Variants in SRGAP3 observed in about 807,000 individuals in gnomAD.
SRGAP3 encodes SLIT-ROBO Rho GTPase activating protein 3.
Under a neutral mutation model 121.1 loss-of-function variants are expected in SRGAP3, and 39 were observed. The observed-to-expected ratio is 0.32, with a 90% CI of 0.25 to 0.42. SRGAP3 has a LOEUF of 0.42. Among genes scored for constraint, SRGAP3 ranks in the 10% least tolerant of loss-of-function variants. SRGAP3 has a pLI of 1.00. For synonymous variants in SRGAP3, 601 were observed against 570.0 expected, an observed-to-expected ratio of 1.05 and a Z score of -0.77; for missense variants, 1,213 against 1,470.6, an observed-to-expected ratio of 0.82 and a Z score of 2.86.
At chr3:9,323,913 G>C (rs1955475525) in intron 3 of SRGAP3, among the ~76,000 whole-genome samples, 1 of 151,668 alleles carries the variant, frequency 6.6e-6, no homozygotes, top group Non-Finnish European at 1.5e-5. Context: ...AAAAGAGTTT[G>C]AGCAATGAAC....
intron 1 of SRGAP3, among the ~76,000 whole-genome samples, chr3:9,343,303 T>G (rs1311327803): frequency 6.6e-6 from 1 of 152,206 alleles, no homozygotes; most frequent in Non-Finnish European, 1.5e-5. Flanking sequence ...GTGTGGTATG[T>G]GTTTATAGTC....
At chr3:9,335,863 C>A (rs1955684543) in intron 1 of SRGAP3, among the ~76,000 whole-genome samples, 2 of 152,016 alleles carry the variant, frequency 1.3e-5, no homozygotes, top group African/African-American at 4.8e-5. Flanking sequence ...TCTTCGTTTT[C>A]TTATTATTAT....
chr3:9,152,491 G>T (rs893670612), intron 1 of SRGAP3, among the ~76,000 whole-genome samples: 1 of 152,224 alleles, frequency 6.6e-6, no homozygotes, highest in Non-Finnish European at 1.5e-5. Context: ...AGCCACGCAG[G>T]CCCAGCTGAC....
chr3:9,096,937 G>GTA (rs58305278), intron 3 of SRGAP3, among the ~76,000 whole-genome samples: 2,560 of 60,752 alleles, frequency 0.042, 74 homozygotes, highest in East Asian at 0.055. Flanking sequence ...ACATTATTTT[G>GTA]TATATATATA....
At chr3:9,145,316 G>A (rs1329004369) in intron 1 of SRGAP3, among the ~76,000 whole-genome samples, 4 of 152,218 alleles carry the variant, frequency 2.6e-5, no homozygotes, top group East Asian at 1.9e-4. Flanking sequence ...GGCTGTTCTC[G>A]AACTCCTGAC....
At chr3:9,065,878 G>A (rs1236579153) in intron 4 of SRGAP3, among the ~76,000 whole-genome samples, 1 of 152,034 alleles carries the variant, frequency 6.6e-6, no homozygotes, top group Non-Finnish European at 1.5e-5. Context: ...AGGGTCATAT[G>A]GTAAATATAT....
intron 1 of SRGAP3, among the ~76,000 whole-genome samples, chr3:9,347,724 C>T (rs1019859178): frequency 2.6e-5 from 4 of 152,136 alleles, no homozygotes; most frequent in Non-Finnish European, 5.9e-5. Context: ...CCCATCTAGC[C>T]CTAGGAAGTC....
intron 4 of SRGAP3, among the ~76,000 whole-genome samples, chr3:9,078,723 GC>G (rs1330162118): frequency 1.3e-5 from 2 of 152,084 alleles, no homozygotes; most frequent in African/African-American, 4.8e-5. Context: ...AGGCTGTTCT[GC>G]CCCCCAGTGA....
At position 9,094,511 on chromosome 3, in the gene SRGAP3, G is replaced by T. The variant is rs184348430; in HGVS notation, c.423+10169C>A. On this transcript the variant is annotated intron_variant, in intron 3 of 21. Coordinates refer to ENST00000383836, the MANE Select transcript of SRGAP3 (RefSeq NM_014850.4). ...TAGAAGTAAAATTGTTGGGTCAAAAGGTCCATACCCCTTCCAGCACTGTTA... is the reference window on the plus strand; with the variant it reads ...TAGAAGTAAAATTGTTGGGTCAAAATGTCCATACCCCTTCCAGCACTGTTA... 2.6e-5 allele frequency among the ~76,000 whole-genome samples: 4 copies of T among 152,224 alleles called. No individual in the cohort carries two copies. In the East Asian group the frequency reaches 7.7e-4, roughly 29 times the overall value.
At chr3:9,182,101 A>G (rs560499501) in intron 1 of SRGAP3, among the ~76,000 whole-genome samples, 12 of 138,306 alleles carry the variant, frequency 8.7e-5, no homozygotes, top group Admixed American at 4.1e-4. Flanking sequence ...ACTTGAACCC[A>G]GGAGGCAGAG....
At chr3:9,062,974 T>C (rs950056509) in intron 5 of SRGAP3, among the ~76,000 whole-genome samples, 3 of 152,214 alleles carry the variant, frequency 2.0e-5, no homozygotes, top group African/African-American at 7.2e-5. Context: ...GTACATTCCC[T>C]TTAGTAGTGT....
chr3:9,188,609 T>C (rs552373840), intron 1 of SRGAP3, among the ~76,000 whole-genome samples: 2 of 152,330 alleles, frequency 1.3e-5, no homozygotes, highest in South Asian at 4.1e-4. Context: ...CTTTCTGATA[T>C]TTCTTGTGCT....
chr3:9,089,260 A>G (rs1193779880), intron 3 of SRGAP3, among the ~76,000 whole-genome samples: 2 of 114,790 alleles, frequency 1.7e-5, no homozygotes, highest in Non-Finnish European at 3.3e-5. Context: ...AACTGCTATA[A>G]GTATTCCCAC....
chr3:9,089,307 G>GGGGGGGGGGC (rs1947644592), intron 3 of SRGAP3, among the ~76,000 whole-genome samples: 1 of 85,132 alleles, frequency 1.2e-5, no homozygotes, highest in Non-Finnish European at 2.6e-5. Flanking sequence ...GGGGGGGGGG[G>GGGGGGGGGGC]GCTGGAGGCT....
chr3:9,123,615 G>A (rs941627390), intron 2 of SRGAP3, among the ~76,000 whole-genome samples: 127 of 151,934 alleles, frequency 8.4e-4, no homozygotes, highest in African/African-American at 3.0e-3. Flanking sequence ...TGAGGCAGGA[G>A]AATCTCTTGA....
In SRGAP3 at chr3:9,224,694, G is replaced by A. The variant is rs568551363; in HGVS notation, c.67+24191C>T. ...ACTGAGGCAACCACAGTGAAAACAC[G>A]AAACTGCCACCAGATGGCTGTACCA... On this transcript the variant is annotated intron_variant, in intron 1 of 21. Coordinates refer to ENST00000383836, the MANE Select transcript of SRGAP3 (RefSeq NM_014850.4). 3.9e-5 allele frequency among the ~76,000 whole-genome samples: 6 copies of A among 152,254 alleles called. No homozygotes were observed. The East Asian group carries it at 1.2e-3, about 29-fold the overall frequency.
intron 3 of SRGAP3, among the ~76,000 whole-genome samples, chr3:9,095,073 C>T (rs60503778): frequency 0.028 from 4,271 of 152,074 alleles, 201 homozygotes; most frequent in African/African-American, 0.098. Context: ...AGACCATATC[C>T]GGCCTAAATT....
rs528252456 is a variant in SRGAP3 at position 8,982,848 on chromosome 3, A to G, written c.*2671T>C. On this transcript the variant is annotated 3_prime_UTR_variant, in exon 22 of 22. Transcript: ENST00000383836. Reference sequence around the variant, plus strand: ...ATCAGCCATTTCCCAATGGAAAAAAAAAAAAAAGGTGCTTAAAGAAAACAG... The same window carrying G: ...ATCAGCCATTTCCCAATGGAAAAAAGAAAAAAAGGTGCTTAAAGAAAACAG... 1.2e-3 allele frequency: 284 copies of G among 227,886 alleles called. 1 individual carries two copies. Among genetic ancestry groups the G allele is most frequent in the African/African-American group, 5.8e-3 (262 of 45,078 alleles). The allele number at this position is 227,886 out of a possible 1,614,324, so 14.1% of individuals were successfully genotyped here.
rs552849507 is a variant in SRGAP3, at chr3:9,062,549, C to T, written c.672+1847G>A. Among the ~76,000 whole-genome samples, 19 of 152,300 alleles carry T rather than the reference C, an allele frequency of 1.2e-4. No homozygotes were observed. In the East Asian group the frequency reaches 3.1e-3, roughly 25 times the overall value. On this transcript the variant is annotated intron_variant, in intron 5 of 21. Transcript: ENST00000383836. ...CTCCCCATTTTCCTCTTCTTTAGCC[C>T]CTGGAAACCAATCATCTATTTTCTA...
Sources: allele counts gnomAD v4.1 joint callset (sites outside exome capture counted in the v4.1 genomes callset), GRCh38; gene constraint gnomAD v4.1.1; transcripts MANE v1.5; gene names NCBI Gene and HGNC (gene_info 2026-07-23, HGNC 2026-07-21).